The following ASIC2 variants were observed in gnomAD, a reference collection of about 807,000 sequenced individuals.
ASIC2 encodes acid sensing ion channel subunit 2.
In ASIC2, 25 loss-of-function variants were observed where a neutral mutation model predicts 57.3. The observed-to-expected ratio is 0.44, with a 90% CI of 0.32 to 0.61. ASIC2 has a LOEUF of 0.61. Among genes scored for constraint, ASIC2 ranks in the 20% least tolerant of loss-of-function variants. ASIC2 has a pLI of 0.06. For missense variants in ASIC2, 641 were observed against 738.1 expected, an observed-to-expected ratio of 0.87 and a Z score of 1.52; for synonymous variants, 319 against 307.5, an observed-to-expected ratio of 1.04 and a Z score of -0.39.
At chr17:33,114,779 A>G (rs1303440424) in intron 1 of ASIC2, among the ~76,000 whole-genome samples, 4 of 152,258 alleles carry the variant, frequency 2.6e-5, no homozygotes, top group Non-Finnish European at 5.9e-5. Flanking sequence ...TAGGAAACAG[A>G]GTCCCAGGAG....
chr17:33,455,423 T>C (rs1397152408), intron 1 of ASIC2, among the ~76,000 whole-genome samples: 1 of 152,236 alleles, frequency 6.6e-6, no homozygotes, highest in Non-Finnish European at 1.5e-5. Flanking sequence ...CTCCCACTTA[T>C]AAAGGAGAAC....
chr17:33,214,557 C>T (rs1907403315), intron 1 of ASIC2, among the ~76,000 whole-genome samples: 1 of 152,242 alleles, frequency 6.6e-6, no homozygotes, highest in East Asian at 1.9e-4. Context: ...ATACCATCAT[C>T]TTCAATCTCA....
At chr17:33,935,057 C>T (rs1295675060) in intron 1 of ASIC2, among the ~76,000 whole-genome samples, 1 of 152,252 alleles carries the variant, frequency 6.6e-6, no homozygotes, top group African/African-American at 2.4e-5. Flanking sequence ...CAGCACCATC[C>T]CTGTGAGCCC....
At chr17:34,049,981 A>G (rs1908493325) in intron 1 of ASIC2, among the ~76,000 whole-genome samples, 1 of 152,218 alleles carries the variant, frequency 6.6e-6, no homozygotes, top group East Asian at 1.9e-4. Flanking sequence ...TCCAGCAACA[A>G]GCATGGTTTG....
intron 2 of ASIC2, among the ~76,000 whole-genome samples, chr17:33,108,399 A>T (rs2092243593): frequency 6.6e-6 from 1 of 152,156 alleles, no homozygotes; most frequent in Middle Eastern, 3.2e-3. Flanking sequence ...GGGAGATGGC[A>T]TCTGTGGGGC....
At chr17:33,668,638 T>G (rs1303010976) in intron 1 of ASIC2, among the ~76,000 whole-genome samples, 1 of 152,160 alleles carries the variant, frequency 6.6e-6, no homozygotes, top group African/African-American at 2.4e-5. Flanking sequence ...TTTTACCACA[T>G]AAGGTCACAT....
intron 1 of ASIC2, among the ~76,000 whole-genome samples, chr17:33,776,280 G>A (rs983318507): frequency 1.3e-5 from 2 of 152,164 alleles, no homozygotes; most frequent in Non-Finnish European, 2.9e-5. Flanking sequence ...TCATAATTGG[G>A]ATAGCCCCTT....
chr17:33,410,293 T>G (rs1910611880), intron 1 of ASIC2, among the ~76,000 whole-genome samples: 1 of 152,206 alleles, frequency 6.6e-6, no homozygotes, highest in Non-Finnish European at 1.5e-5. Flanking sequence ...ATGTGTGTTT[T>G]GTGCTGAATT....
chr17:33,451,491 G>A (rs1048151844), intron 1 of ASIC2, among the ~76,000 whole-genome samples: 3 of 152,086 alleles, frequency 2.0e-5, no homozygotes, highest in African/African-American at 7.2e-5. Context: ...TCAGTAGTCA[G>A]CGCTGTTACA....
At chr17:33,968,232 T>G (rs1374189152) in intron 1 of ASIC2, among the ~76,000 whole-genome samples, 1 of 152,164 alleles carries the variant, frequency 6.6e-6, no homozygotes, top group Non-Finnish European at 1.5e-5. Flanking sequence ...TCAAGCCCAG[T>G]GCCCTTCCTG....
Position 33,247,613 on chromosome 17 carries a change from A to G in ASIC2, c.708+43795T>C, listed in dbSNP as rs146400267. On this transcript the variant is annotated intron_variant, in intron 1 of 9. Coordinates refer to ENST00000225823, the MANE Select transcript of ASIC2 (RefSeq NM_183377.2). ...GCTTTCAGAAAATCAAGGTAGAGAG[A>G]GTCTACCCGTGTCTACTCTCAGCCA... Among the ~76,000 whole-genome samples, 3 of 152,346 alleles carry G rather than the reference A, an allele frequency of 2.0e-5. No individual in the cohort carries two copies. The East Asian group carries it at 5.8e-4, about 29-fold the overall frequency.
chr17:33,107,895 T>A (rs1378929052), intron 2 of ASIC2, among the ~76,000 whole-genome samples: 1 of 152,192 alleles, frequency 6.6e-6, no homozygotes, highest in Non-Finnish European at 1.5e-5. Context: ...TTCCAGAGGC[T>A]CTGCTTTGAG....
chr17:33,494,556 G>A (rs1198654602), intron 1 of ASIC2, among the ~76,000 whole-genome samples: 1 of 152,316 alleles, frequency 6.6e-6, no homozygotes, highest in East Asian at 1.9e-4. Context: ...GTCGCAGGAA[G>A]TGCACCTAGA....
intron 1 of ASIC2, among the ~76,000 whole-genome samples, chr17:33,560,306 G>A (rs546606586): frequency 2.0e-5 from 3 of 152,222 alleles, no homozygotes; most frequent in Admixed American, 2.0e-4. Context: ...CGTCCTCCCT[G>A]ATCAGAGAAA....
chr17:33,366,081 C>A (rs1209496168), intron 1 of ASIC2, among the ~76,000 whole-genome samples: 1 of 152,194 alleles, frequency 6.6e-6, no homozygotes, highest in Non-Finnish European at 1.5e-5. Flanking sequence ...AGAACAGAGG[C>A]TGTTTGCTTC....
At chr17:33,596,574 G>A (rs1904985201) in intron 1 of ASIC2, among the ~76,000 whole-genome samples, 2 of 152,278 alleles carry the variant, frequency 1.3e-5, no homozygotes, top group African/African-American at 4.8e-5. Context: ...CGGCCTTGGT[G>A]TGTCTAACAC....
intron 1 of ASIC2, among the ~76,000 whole-genome samples, chr17:33,232,901 G>A (rs892974986): frequency 3.3e-5 from 5 of 152,166 alleles, no homozygotes; most frequent in African/African-American, 1.2e-4. Flanking sequence ...TTCTTCCTCT[G>A]GAGCGATGCA....
intron 1 of ASIC2, among the ~76,000 whole-genome samples, chr17:33,166,190 C>T (rs939606597): frequency 6.6e-6 from 1 of 152,176 alleles, no homozygotes; most frequent in Admixed American, 6.5e-5. Flanking sequence ...TCTTTTATTT[C>T]TTCATCTGGG....
At chr17:33,021,791 A>G (rs1194237225) in intron 6 of ASIC2, among the ~76,000 whole-genome samples, 1 of 152,210 alleles carries the variant, frequency 6.6e-6, no homozygotes, top group South Asian at 2.1e-4. Flanking sequence ...CTCTGGCATT[A>G]TCAAGTCAAT....
Sources: gnomAD v4.1 joint callset for allele counts (sites outside exome capture counted in the v4.1 genomes callset) on GRCh38, gnomAD v4.1.1 for gene constraint, MANE v1.5 for transcripts, NCBI Gene and HGNC (gene_info 2026-07-23, HGNC 2026-07-21) for gene names.